Variants in RBMS3 observed in about 807,000 individuals in gnomAD.
RBMS3 encodes the protein RNA-binding motif, single-stranded-interacting protein 3.
In RBMS3, 27 loss-of-function variants were observed where a neutral mutation model predicts 66.8. The ratio of observed to expected loss-of-function variants is 0.40; its 90% CI spans 0.30 to 0.56. The LOEUF is 0.56. Ranked by LOEUF, RBMS3 falls within the 20% of genes least tolerant of loss-of-function variation. The pLI is 0.40. For missense variants in RBMS3, 513 were observed against 549.5 expected (o/e 0.93, Z 0.66); for synonymous variants, 188 against 183.0 (o/e 1.03, Z -0.22).
chr3:29,409,923 T>C (rs1054154433), intron 1 of RBMS3, among the ~76,000 whole-genome samples: 1 of 152,172 alleles, frequency 6.6e-6, no homozygotes, highest in South Asian at 2.1e-4. Context: ...GGTCTGTTAT[T>C]GGATTGCAGA....
chr3:29,664,465 A>AGACAGAGCAAGACTCTGT (rs1403785808), intron 4 of RBMS3, among the ~76,000 whole-genome samples: 1 of 152,020 alleles, frequency 6.6e-6, no homozygotes, highest in African/African-American at 2.4e-5. Flanking sequence ...TCCATCCTAG[A>AGACAGAGCAAGACTCTGT]GACAGAGCAA....
chr3:29,618,080 T>C (rs1337576867), intron 4 of RBMS3, among the ~76,000 whole-genome samples: 1 of 152,210 alleles, frequency 6.6e-6, no homozygotes, highest in Non-Finnish European at 1.5e-5. Context: ...ATACACTGGT[T>C]GCTTGTTTGG....
In RBMS3 at chr3:29,739,706, T is replaced by C. The variant is rs1413153771; in HGVS notation, c.400-14T>C. On this transcript the variant is annotated splice_polypyrimidine_tract_variant and intron_variant, in intron 4 of 14. Coordinates refer to ENST00000383767, the MANE Select transcript of RBMS3 (RefSeq NM_001003793.3). ...ACTCAGAACTTACCATATTTGTTAC[T>C]TTCCTTCCCTTAGCAACAAGAGCAA... is the stretch of plus-strand genomic sequence containing the variant. 2 of 1,570,804 alleles carry C rather than the reference T, an allele frequency of 1.3e-6. No homozygotes were observed. Among genetic ancestry groups the C allele is most frequent in the Admixed American group, 2.0e-5 (1 of 50,144 alleles).
chr3:29,690,398 T>C (rs1183018825), intron 4 of RBMS3, among the ~76,000 whole-genome samples: 1 of 152,152 alleles, frequency 6.6e-6, no homozygotes, highest in African/African-American at 2.4e-5. Flanking sequence ...TTCAGTGAGC[T>C]GTGTTCTTGA....
At chr3:29,882,017 C>T (rs1008985844) in intron 7 of RBMS3, among the ~76,000 whole-genome samples, 1 of 152,116 alleles carries the variant, frequency 6.6e-6, no homozygotes, top group Non-Finnish European at 1.5e-5. Flanking sequence ...AATAATATCT[C>T]GATTGAATGT....
At chr3:29,950,545 T>G (rs1254203427) in intron 12 of RBMS3, among the ~76,000 whole-genome samples, 1 of 151,888 alleles carries the variant, frequency 6.6e-6, no homozygotes, top group Non-Finnish European at 1.5e-5. Context: ...AGGAATTGAC[T>G]ATGTATGATT....
intron 12 of RBMS3, among the ~76,000 whole-genome samples, chr3:29,974,934 ATATT>A (rs1204046367): frequency 3.5e-5 from 5 of 142,072 alleles, no homozygotes; most frequent in South Asian, 4.2e-4. Flanking sequence ...ATACGTTTCT[ATATT>A]TATATATTTT....
At chr3:29,361,106 A>T (rs2037556942) in intron 1 of RBMS3, among the ~76,000 whole-genome samples, 1 of 151,982 alleles carries the variant, frequency 6.6e-6, no homozygotes, top group Non-Finnish European at 1.5e-5. Context: ...TTAGCTGGTT[A>T]TTTTGCTCGT....
chr3:29,941,086 A>T (rs1420235329), intron 11 of RBMS3, among the ~76,000 whole-genome samples: 6 of 151,866 alleles, frequency 4.0e-5, no homozygotes, highest in Non-Finnish European at 1.5e-5. Flanking sequence ...AGAAATAAAA[A>T]GTTTTTGTTC....
intron 1 of RBMS3, among the ~76,000 whole-genome samples, chr3:29,371,060 G>A (rs2038172873): frequency 6.6e-6 from 1 of 152,206 alleles, no homozygotes; most frequent in Admixed American, 6.6e-5. Flanking sequence ...TTTGCTCCGT[G>A]CTCTAGCAAT....
intron 12 of RBMS3, among the ~76,000 whole-genome samples, chr3:29,964,881 T>G (rs1005585062): frequency 5.3e-5 from 8 of 152,034 alleles, no homozygotes; most frequent in Non-Finnish European, 8.8e-5. Context: ...CTCCCACTCT[T>G]CCCCCTTTGT....
chr3:29,602,583 A>G (rs1469682355), intron 4 of RBMS3, among the ~76,000 whole-genome samples: 2 of 152,048 alleles, frequency 1.3e-5, no homozygotes, highest in African/African-American at 2.4e-5. Flanking sequence ...GAAATTGTAT[A>G]TCCAGAAAGT....
At position 29,389,240 on chromosome 3, in the gene RBMS3, T is replaced by G. The variant is rs2039166616; in HGVS notation, c.76-45503T>G. On this transcript the variant is annotated intron_variant, in intron 1 of 14. Coordinates refer to ENST00000383767, the MANE Select transcript of RBMS3 (RefSeq NM_001003793.3). ...TTTTCTTCTTTGCCATTAGTTTGGC[T>G]TTTTTATTTTCTCTGTTAACACATT... is the stretch of plus-strand genomic sequence containing the variant. 2.0e-5 allele frequency among the ~76,000 whole-genome samples: 3 copies of G among 152,190 alleles called. No homozygotes were observed. In the South Asian group the frequency reaches 6.2e-4, roughly 32 times the overall value.
intron 1 of RBMS3, among the ~76,000 whole-genome samples, chr3:29,317,594 C>T (rs1216306669): frequency 4.6e-5 from 7 of 151,320 alleles, no homozygotes; most frequent in South Asian, 4.2e-4. Flanking sequence ...CACAGAAATA[C>T]ATAAAAATAA....
At chr3:29,420,789 T>C (rs1200037501) in intron 1 of RBMS3, among the ~76,000 whole-genome samples, 1 of 152,004 alleles carries the variant, frequency 6.6e-6, no homozygotes, top group Non-Finnish European at 1.5e-5. Context: ...ACACTCTATG[T>C]TATAGTGATT....
intron 6 of RBMS3, among the ~76,000 whole-genome samples, chr3:29,836,915 A>C (rs1401112751): frequency 2.0e-5 from 3 of 152,100 alleles, no homozygotes; most frequent in Middle Eastern, 3.4e-3. Flanking sequence ...AGTACAGGAC[A>C]AAAAACTAGC....
At chr3:29,813,472 T>A (rs2057783610) in intron 6 of RBMS3, among the ~76,000 whole-genome samples, 1 of 152,130 alleles carries the variant, frequency 6.6e-6, no homozygotes, top group Non-Finnish European at 1.5e-5. Context: ...GGCTCTTTTT[T>A]GGTTCCATAT....
chr3:29,974,594 C>A (rs1463157895), intron 12 of RBMS3, among the ~76,000 whole-genome samples: 1 of 151,490 alleles, frequency 6.6e-6, no homozygotes, highest in Non-Finnish European at 1.5e-5. Context: ...TATTCCTGCC[C>A]CTTTTATAAT....
At chr3:29,726,126 G>C (rs2053861817) in intron 4 of RBMS3, among the ~76,000 whole-genome samples, 1 of 152,122 alleles carries the variant, frequency 6.6e-6, no homozygotes, top group Non-Finnish European at 1.5e-5. Context: ...TATCCCAATA[G>C]ATGCAGAAAA....
Sources: allele counts gnomAD v4.1 joint callset (sites outside exome capture counted in the v4.1 genomes callset), GRCh38; gene constraint gnomAD v4.1.1; transcripts MANE v1.5; gene names NCBI Gene and HGNC (gene_info 2026-07-23, HGNC 2026-07-21).